Variants in DENND4C observed in about 807,000 individuals in gnomAD.
DENND4C encodes DENN domain-containing protein 4C.
DENND4C carries 108 observed loss-of-function variants against 203.0 expected under a neutral mutation model. The ratio of observed to expected loss-of-function variants is 0.53; its 90% CI spans 0.46 to 0.62. DENND4C has a LOEUF of 0.62. Among genes scored for constraint, DENND4C ranks in the 20% least tolerant of loss-of-function variants. The pLI is 0.00. For missense variants in DENND4C, 2,481 were observed against 2,301.2 expected (o/e 1.08, Z -1.60); for synonymous variants, 871 against 792.4 (o/e 1.10, Z -1.67).
intron 12 of DENND4C, among the ~76,000 whole-genome samples, chr9:19,321,083 C>A (rs1842801139): frequency 6.6e-6 from 1 of 152,078 alleles, no homozygotes. Flanking sequence ...AATTGGAAGC[C>A]TGTAAAGGAT....
intron 1 of DENND4C, among the ~76,000 whole-genome samples, chr9:19,239,805 A>G (rs1823232185): frequency 1.3e-5 from 2 of 152,024 alleles, no homozygotes; most frequent in East Asian, 3.9e-4. Flanking sequence ...TCTTTAAAAT[A>G]TTTCCATGCT....
At position 19,346,857 on chromosome 9, in the gene DENND4C, C is replaced by A. The variant is rs1271216879; in HGVS notation, c.4088C>A (p.Thr1363Asn). 2 of 1,614,230 alleles carry A rather than the reference C, an allele frequency of 1.2e-6. No individual in the cohort carries two copies. Among genetic ancestry groups the A allele is most frequent in the South Asian group, 1.1e-5 (1 of 91,088 alleles). Residue 1363 changes from threonine (T) to asparagine (N), a missense_variant, in exon 23 of 33, where the codon ACC (threonine) becomes AAC (asparagine). By Grantham distance (65) the Thr-to-Asn change is moderately conservative. Around this residue, in one of 3 missense-constraint regions of DENND4C, gnomAD observed 2,289 missense variants for 2,113.3 expected, o/e 1.08. Coordinates refer to ENST00000434457, the MANE Select transcript of DENND4C (RefSeq NM_001330640.2). Reference protein sequence around the residue: ...KTFTGRFKQQTPSRTHKERST... With the variant: ...KTFTGRFKQQNPSRTHKERST... ...TTTACTGGGCGTTTCAAGCAGCAAA[C>A]CCCCTCTCGAACTCATAAAGAACGT... is the stretch of plus-strand genomic sequence containing the variant.
chr9:19,316,143 T>C (rs1841809943), intron 10 of DENND4C, among the ~76,000 whole-genome samples: 1 of 152,224 alleles, frequency 6.6e-6, no homozygotes. Context: ...AATTCTAAAA[T>C]GTAACTTTTG....
intron 24 of DENND4C, among the ~76,000 whole-genome samples, chr9:19,351,348 G>A (rs1388101463): frequency 6.6e-6 from 1 of 152,182 alleles, no homozygotes; most frequent in African/African-American, 2.4e-5. Context: ...GACTGAATTT[G>A]TGAGATGGGG....
chr9:19,282,190 C>A (rs761220873), intron 2 of DENND4C, among the ~76,000 whole-genome samples: 1 of 151,446 alleles, frequency 6.6e-6, no homozygotes, highest in Non-Finnish European at 1.5e-5. Context: ...AAATATTTTT[C>A]TTTCTTTAAA....
At position 19,336,171 on chromosome 9, in the gene DENND4C, G is replaced by GTATA. The variant is rs148975875; in HGVS notation, c.2590-88_2590-85dup. On this transcript the variant is annotated intron_variant, in intron 18 of 32. Coordinates refer to ENST00000434457, the MANE Select transcript of DENND4C (RefSeq NM_001330640.2). ...GGCCAGTATAACTTTTTATATTTGTGTATATATATATATAAACATACACAC... is the reference window on the plus strand; with the variant it reads ...GGCCAGTATAACTTTTTATATTTGTGTATATATATATATATATAAACATACACAC... The GTATA allele has an allele frequency of 8.5e-3, 7,755 of 908,868 alleles. 297 individuals are homozygous for GTATA. In the African/African-American group the frequency reaches 0.11, roughly 13 times the overall value. 56.3% of individuals were successfully genotyped at this position (908,868 alleles called of 1,614,324 possible). A position where few individuals can be genotyped will look rare whatever the true frequency, so the allele number is the denominator to read the frequency against.
At chr9:19,315,585 ATATG>A (rs1379602407) in intron 10 of DENND4C, among the ~76,000 whole-genome samples, 1 of 151,282 alleles carries the variant, frequency 6.6e-6, no homozygotes, top group African/African-American at 2.4e-5. Flanking sequence ...ACGTGTACAT[ATATG>A]TATGTGTGTG....
intron 20 of DENND4C, among the ~76,000 whole-genome samples, 186 bp from the exon 21 acceptor site, chr9:19,340,806 T>C (rs1444772329): frequency 6.6e-6 from 1 of 152,214 alleles, no homozygotes; most frequent in African/African-American, 2.4e-5. Context: ...TCTTTGATGT[T>C]CCTGTTTCTA....
At chr9:19,327,234 AATTG>A (rs1818018908) in intron 15 of DENND4C, among the ~76,000 whole-genome samples, 1 of 152,108 alleles carries the variant, frequency 6.6e-6, no homozygotes, top group Admixed American at 6.5e-5. Flanking sequence ...TCTGGAAGAA[AATTG>A]GCCAAAAGAA....
intron 26 of DENND4C, among the ~76,000 whole-genome samples, chr9:19,354,341 T>C (rs553005715): frequency 1.2e-4 from 19 of 152,266 alleles, no homozygotes; most frequent in South Asian, 6.2e-4. Flanking sequence ...CGATAATCCT[T>C]GGAGTAAGAT....
At chr9:19,288,299 C>T (rs1240330150) in intron 3 of DENND4C, among the ~76,000 whole-genome samples, 2 of 152,322 alleles carry the variant, frequency 1.3e-5, no homozygotes, top group South Asian at 2.1e-4. Flanking sequence ...GGCTCCAGTG[C>T]ACACTCCGTT....
At chr9:19,298,776 G>A (rs557227632) in intron 7 of DENND4C, among the ~76,000 whole-genome samples, 2 of 152,190 alleles carry the variant, frequency 1.3e-5, no homozygotes, top group African/African-American at 4.8e-5. Context: ...ATAGAGGGAA[G>A]CCATTTAAAA....
intron 9 of DENND4C, among the ~76,000 whole-genome samples, chr9:19,305,095 A>G (rs914613485): frequency 6.6e-6 from 1 of 152,124 alleles, no homozygotes; most frequent in Non-Finnish European, 1.5e-5. Flanking sequence ...TATAGATACT[A>G]GAAGAATTAA....
chr9:19,288,035 A>C (rs1467368167), intron 3 of DENND4C, among the ~76,000 whole-genome samples: 2 of 152,238 alleles, frequency 1.3e-5, no homozygotes, highest in Admixed American at 1.3e-4. Context: ...CACCCAATCC[A>C]TGCATACTTA....
At chr9:19,245,596 C>T (rs1215414660) in intron 1 of DENND4C, among the ~76,000 whole-genome samples, 8 of 151,962 alleles carry the variant, frequency 5.3e-5, no homozygotes, top group African/African-American at 9.7e-5. Flanking sequence ...GTGGCTCACT[C>T]CTGTAATCCC....
rs776656069 is a variant in DENND4C, at chr9:19,305,335, T to A, written c.1312-17T>A. The A allele has an allele frequency of 6.4e-6, 10 of 1,574,466 alleles. No homozygotes were observed. Among genetic ancestry groups the A allele is most frequent in the Admixed American group, 5.7e-5 (3 of 52,486 alleles). ...CAAATTTAAAATTTGGTTAATTTTT[T>A]AAAACTTTTTCCCCAGATGATCTTT... On this transcript the variant is annotated splice_polypyrimidine_tract_variant and intron_variant, in intron 9 of 32. Coordinates refer to ENST00000434457, the MANE Select transcript of DENND4C (RefSeq NM_001330640.2).
chr9:19,234,527 G>C (rs1364304482), intron 1 of DENND4C, among the ~76,000 whole-genome samples: 2 of 115,214 alleles, frequency 1.7e-5, no homozygotes, highest in Non-Finnish European at 3.5e-5. Flanking sequence ...ACAGCACCTG[G>C]CTGTTTTTTT....
chr9:19,263,753 C>T (rs1006649674), intron 1 of DENND4C, among the ~76,000 whole-genome samples: 1 of 151,632 alleles, frequency 6.6e-6, no homozygotes, highest in Non-Finnish European at 1.5e-5. Flanking sequence ...CTTCCGGGTT[C>T]AAGCGATTTT....
chr9:19,326,927 A>G (rs1357848842), intron 15 of DENND4C, among the ~76,000 whole-genome samples: 4 of 152,032 alleles, frequency 2.6e-5, no homozygotes, highest in African/African-American at 9.7e-5. Context: ...AACTAGCCTC[A>G]TGGATTTGTT....
Sources: allele counts gnomAD v4.1 joint callset (sites outside exome capture counted in the v4.1 genomes callset), GRCh38; gene constraint gnomAD v4.1.1; regional missense constraint gnomAD v4.1.1; transcripts MANE v1.5; gene names NCBI Gene and HGNC (gene_info 2026-07-23, HGNC 2026-07-21).